Variants in SYCP1 observed in about 807,000 individuals in gnomAD.
SYCP1 encodes the protein cancer/testis antigen 8.
SYCP1 carries 64 observed loss-of-function variants against 153.1 expected under a neutral mutation model. The observed-to-expected ratio is 0.42, with a 90% CI of 0.34 to 0.51. The LOEUF (loss-of-function observed/expected upper bound fraction) is 0.51. SYCP1 is among the 20% of genes least tolerant of loss of function. The probability of loss-of-function intolerance (pLI) is 0.06; values close to 1 mark genes in which losing one functional copy is unlikely to be tolerated. For missense variants in SYCP1, 997 were observed against 1,049.0 expected (o/e 0.95, Z 0.68); for synonymous variants, 384 against 341.8 (o/e 1.12, Z -1.36).
chr1:114,955,493 G>A (rs566528486), intron 27 of SYCP1, among the ~76,000 whole-genome samples: 15 of 152,176 alleles, frequency 9.9e-5, no homozygotes, highest in African/African-American at 3.4e-4. Flanking sequence ...CTTTCTGTTT[G>A]GTAGACTGGT....
At chr1:114,910,294 A>AG in intron 16 of SYCP1, 103 bp from the exon 17 acceptor site, 1 of 696,390 alleles carries the variant, frequency 1.4e-6, no homozygotes, top group Non-Finnish European at 2.4e-6. Flanking sequence ...AATTTTAGCC[A>AG]GGGGGAAGCT....
chr1:114,887,748 C>A, intron 15 of SYCP1, 55 bp downstream of exon 15: 1 of 1,086,366 alleles, frequency 9.2e-7, no homozygotes, highest in Non-Finnish European at 1.3e-6. Context: ...ATTATAGAAT[C>A]ATAAACACTG....
intron 27 of SYCP1, among the ~76,000 whole-genome samples, chr1:114,949,561 A>G (rs550512840): frequency 8.5e-5 from 13 of 152,330 alleles, no homozygotes; most frequent in Admixed American, 7.8e-4. Flanking sequence ...TAAGGGAGAC[A>G]GGAAGGTAGG....
chr1:114,900,780 T>A (rs1297538056), intron 16 of SYCP1, among the ~76,000 whole-genome samples: 1 of 152,204 alleles, frequency 6.6e-6, no homozygotes, highest in African/African-American at 2.4e-5. Flanking sequence ...AAGGGTGTGG[T>A]TAGTTCCATA....
chr1:114,950,003 T>A (rs774500088), intron 27 of SYCP1, among the ~76,000 whole-genome samples: 1 of 152,206 alleles, frequency 6.6e-6, no homozygotes, highest in Non-Finnish European at 1.5e-5. Context: ...ATAAAAAATT[T>A]GGGCTTGTGA....
At chr1:114,922,749 A>G (rs540698234) in intron 20 of SYCP1, among the ~76,000 whole-genome samples, 2 of 152,262 alleles carry the variant, frequency 1.3e-5, no homozygotes, top group East Asian at 3.9e-4. Flanking sequence ...AAATACAATC[A>G]TGCCTTCCAA....
At chr1:114,973,014 C>T (rs1454608934) in intron 27 of SYCP1, among the ~76,000 whole-genome samples, 2 of 151,792 alleles carry the variant, frequency 1.3e-5, no homozygotes, top group Admixed American at 6.6e-5. Context: ...AGCCCTGGGG[C>T]CTGTGTGTCT....
intron 23 of SYCP1, among the ~76,000 whole-genome samples, chr1:114,929,735 A>T (rs945219575): frequency 1.3e-5 from 2 of 152,078 alleles, no homozygotes; most frequent in African/African-American, 4.8e-5. Context: ...AAAACTTGAT[A>T]AAATGAGCAA....
At chr1:114,910,567 G>A in intron 17 of SYCP1, 66 bp downstream of exon 17, 1 of 986,640 alleles carries the variant, frequency 1.0e-6, no homozygotes, top group Non-Finnish European at 1.4e-6. Flanking sequence ...ATGGATTATG[G>A]TATAAGTATT....
chr1:114,857,167 G>C, intron 3 of SYCP1, 65 bp from the exon 4 acceptor site: 6 of 558,530 alleles, frequency 1.1e-5, no homozygotes, highest in Non-Finnish European at 1.0e-5. Flanking sequence ...AGAGAAAAAA[G>C]AAAAAAAAAA....
Position 114,910,472 on chromosome 1 carries a change from G to A in SYCP1, c.1396G>A (p.Glu466Lys). The change falls in exon 17 of 32, where the codon GAA becomes AAA. Residue 466 changes from glutamate to lysine, a missense_variant. Glu to Lys is a moderately conservative substitution (Grantham distance 56). Around this residue, in one of 2 missense-constraint regions of SYCP1, gnomAD observed 712 missense variants for 682.9 expected, o/e 1.04. Coordinates refer to ENST00000369522, the MANE Select transcript of SYCP1 (RefSeq NM_003176.4). ...TGAAGAATTAAAAGGAACAGAACAAGAACTAATTGGTCTTCTCCAAGCCAG... is the reference window on the plus strand; with the variant it reads ...TGAAGAATTAAAAGGAACAGAACAAAAACTAATTGGTCTTCTCCAAGCCAG... ...IAEELKGTEQ[E>K]LIGLLQAREK... 1 of 1,593,704 alleles carries A rather than the reference G, an allele frequency of 6.3e-7. No homozygotes were observed. Among genetic ancestry groups the A allele is most frequent in the Non-Finnish European group, 8.5e-7 (1 of 1,171,724 alleles).
chr1:114,865,461 G>C (rs577209886), intron 8 of SYCP1, among the ~76,000 whole-genome samples: 158 of 152,294 alleles, frequency 1.0e-3, no homozygotes, highest in African/African-American at 3.7e-3. Context: ...AATAGGTTCT[G>C]TCTTGCCTTT....
chr1:114,899,253 T>C lies in SYCP1; in HGVS notation c.1320+3744T>C, dbSNP rs542712041. Among the ~76,000 whole-genome samples, 16 of 152,342 alleles carry C rather than the reference T, an allele frequency of 1.1e-4. 1 individual carries two copies. In the South Asian group the frequency reaches 3.3e-3, roughly 32 times the overall value. ...CAGAGAGAAATAAACATGCTCTAAA[T>C]TTTGTTCACAAGAGTATACCTTACT... On this transcript the variant is annotated intron_variant, in intron 16 of 31. Transcript: ENST00000369522.
chr1:114,866,378 T>C (rs1664746036), intron 8 of SYCP1, among the ~76,000 whole-genome samples: 1 of 152,158 alleles, frequency 6.6e-6, no homozygotes, highest in African/African-American at 2.4e-5. Flanking sequence ...GCCATTCGAA[T>C]AGGGGTATGT....
intron 25 of SYCP1, 100 bp downstream of exon 25, chr1:114,945,082 A>T (rs1001985947): frequency 2.7e-5 from 23 of 862,686 alleles, no homozygotes; most frequent in Non-Finnish European, 3.7e-5. Flanking sequence ...GTCAGAGAAG[A>T]TTATTGTCTA....
chr1:114,935,054 G>T (rs11804044), intron 23 of SYCP1, among the ~76,000 whole-genome samples: 7,146 of 152,160 alleles, frequency 0.047, 211 homozygotes, highest in African/African-American at 0.06. Context: ...GCACCAAGCC[G>T]ACCTAATAGA....
chr1:114,899,125 C>G (rs892693314), intron 16 of SYCP1, among the ~76,000 whole-genome samples: 3 of 152,308 alleles, frequency 2.0e-5, no homozygotes, highest in African/African-American at 7.2e-5. Flanking sequence ...TAATTGCATC[C>G]TGTTGCAAAA....
intron 27 of SYCP1, among the ~76,000 whole-genome samples, chr1:114,974,810 C>G (rs1356518701): frequency 6.6e-6 from 1 of 151,794 alleles, no homozygotes; most frequent in Non-Finnish European, 1.5e-5. Context: ...GCAACTATCT[C>G]TTTAAAATCT....
At chr1:114,891,502 G>A (rs2101577911) in intron 15 of SYCP1, among the ~76,000 whole-genome samples, 1 of 152,328 alleles carries the variant, frequency 6.6e-6, no homozygotes, top group South Asian at 2.1e-4. Flanking sequence ...TTTAAAGAGT[G>A]GGAGTACTGC....
Sources: allele counts gnomAD v4.1 joint callset (sites outside exome capture counted in the v4.1 genomes callset), GRCh38; gene constraint gnomAD v4.1.1; regional missense constraint gnomAD v4.1.1; transcripts MANE v1.5; gene names NCBI Gene and HGNC (gene_info 2026-07-23, HGNC 2026-07-21).